Variants in DISP3 observed in about 807,000 individuals in gnomAD.
DISP3 encodes protein dispatched homolog 3.
In DISP3, 101 loss-of-function variants were observed where a neutral mutation model predicts 135.3. The ratio of observed to expected loss-of-function variants is 0.75; its 90% CI spans 0.64 to 0.88. The LOEUF (loss-of-function observed/expected upper bound fraction) is 0.88. DISP3 is among the 40% of genes least tolerant of loss of function. DISP3 has a pLI of 0.00. For missense variants in DISP3, 1,713 were observed against 1,878.6 expected, an observed-to-expected ratio of 0.91 and a Z score of 1.63; for synonymous variants, 856 against 817.0, an observed-to-expected ratio of 1.05 and a Z score of -0.81.
chr1:11,501,487 G>C lies in DISP3; in HGVS notation c.495G>C (p.Ser165=). 1 of 1,606,142 alleles carries C rather than the reference G, an allele frequency of 6.2e-7. No homozygotes were observed. Among genetic ancestry groups the C allele is most frequent in the Non-Finnish European group, 8.5e-7 (1 of 1,176,412 alleles). Residue 165 remains serine (S), a synonymous_variant, in exon 2 of 21, where the codon TCG becomes TCC. Coordinates refer to ENST00000294484, the MANE Select transcript of DISP3 (RefSeq NM_020780.2). The surrounding 1 kb of genome is among the most constrained non-coding windows in gnomAD (Gnocchi z 4.9). ...AGCAGCTGCATCTCGGCAACCGCTC[G>C]CGGCAAGCCTCCCGAGCCCCCCGCG... ...QLQQLHLGNR[S]RQASRAPRVI...
chr1:11,495,251 C>T (rs1280871132), intron 1 of DISP3, among the ~76,000 whole-genome samples: 2 of 152,016 alleles, frequency 1.3e-5, no homozygotes, highest in East Asian at 1.9e-4. Flanking sequence ...ATTAGCCAGG[C>T]GTGGTGGTGC....
At position 11,534,389 on chromosome 1, in the gene DISP3, C is replaced by T. The variant is rs1194235815; in HGVS notation, c.3384C>T (p.Tyr1128=). The T allele has an allele frequency of 1.9e-6, 3 of 1,614,136 alleles. No individual in the cohort carries two copies. The highest frequency in any genetic ancestry group is 1.1e-5 in the South Asian group (1 of 91,096). ...WISMAFESTT[Y]KGKSSFQTYS... is the part of the protein sequence containing the mutation. ...CACATCTCTCCCCACAGACCACGTA[C>T]AAGGGCAAATCCTCCTTCCAGACCT... The change falls in exon 18 of 21, where the codon TAC becomes TAT. Residue 1128 remains tyrosine, a synonymous_variant. Coordinates refer to ENST00000294484, the MANE Select transcript of DISP3 (RefSeq NM_020780.2).
At chr1:11,482,970 A>C (rs1168673293) in intron 1 of DISP3, among the ~76,000 whole-genome samples, 1 of 152,234 alleles carries the variant, frequency 6.6e-6, no homozygotes, top group Non-Finnish European at 1.5e-5. Context: ...GTGTCGGCCC[A>C]AAATAGAAAC....
intron 3 of DISP3, among the ~76,000 whole-genome samples, chr1:11,511,319 A>T (rs1417064074): frequency 2.6e-5 from 4 of 152,214 alleles, no homozygotes; most frequent in Non-Finnish European, 5.9e-5. Flanking sequence ...CTATAAGCCT[A>T]TAAAATCAGA....
At chr1:11,526,232 C>T (rs1310314459) in intron 12 of DISP3, among the ~76,000 whole-genome samples, 2 of 152,216 alleles carry the variant, frequency 1.3e-5, no homozygotes, top group African/African-American at 4.8e-5. Flanking sequence ...TCGTTCAGGT[C>T]TCAACATGCC....
rs769377156 is a variant in DISP3, at chr1:11,499,858, A to C, written c.-3-1132A>C. ...TCATCTAATTGAAATGGAGCACTCC[A>C]AAGAATGTTAATAGGAAAGGCAGCA... is the stretch of plus-strand genomic sequence containing the variant. On this transcript the variant is annotated intron_variant, in intron 1 of 20. Transcript: ENST00000294484. The surrounding 1 kb of genome is among the most constrained non-coding windows in gnomAD (Gnocchi z 5.2). Among the ~76,000 whole-genome samples, 1 of 152,372 alleles carries C rather than the reference A, an allele frequency of 6.6e-6. No homozygotes were observed. Among genetic ancestry groups the C allele is most frequent in the Middle Eastern group, 3.4e-3 (1 of 294 alleles).
At chr1:11,485,639 C>T (rs998563006) in intron 1 of DISP3, among the ~76,000 whole-genome samples, 6 of 152,174 alleles carry the variant, frequency 3.9e-5, no homozygotes, top group Non-Finnish European at 5.9e-5. Context: ...CTCTGTTCTT[C>T]GTTGGGGAGC....
chr1:11,481,761 G>A lies in DISP3; in HGVS notation c.-4+2389G>A, dbSNP rs145276049. The A allele has an allele frequency of 1.4e-3, 207 of 152,196 alleles. 1 individual carries two copies. Among genetic ancestry groups the A allele is most frequent in the African/African-American group, 4.8e-3 (198 of 41,516 alleles). 9.4% of individuals were successfully genotyped at this position (152,196 alleles called of 1,614,324 possible). A position where few individuals can be genotyped will look rare whatever the true frequency, so the allele number is the denominator to read the frequency against. On this transcript the variant is annotated intron_variant, in intron 1 of 20. Coordinates refer to ENST00000294484, the MANE Select transcript of DISP3 (RefSeq NM_020780.2). ...CTAGTGAGTCTCTTGAGTGTGGGTGGGATTGAAAATTGTGATTCTAACCCC... is the reference window on the plus strand; with the variant it reads ...CTAGTGAGTCTCTTGAGTGTGGGTGAGATTGAAAATTGTGATTCTAACCCC...
At chr1:11,504,860 T>G (rs542959336) in intron 3 of DISP3, among the ~76,000 whole-genome samples, 2 of 152,202 alleles carry the variant, frequency 1.3e-5, no homozygotes, top group South Asian at 4.1e-4. Context: ...GGTATTCTGT[T>G]ATAGCAACAT....
Position 11,536,714 on chromosome 1 carries a change from C to T in DISP3, c.*28C>T, listed in dbSNP as rs1179176137. On this transcript the variant is annotated 3_prime_UTR_variant, in exon 21 of 21. Coordinates refer to ENST00000294484, the MANE Select transcript of DISP3 (RefSeq NM_020780.2). This position sits in a 1 kb window ranked among gnomAD's most constrained non-coding sequence, Gnocchi z 4.3. Reference sequence around the variant, plus strand: ...CGGGACGGGCTCTGGACACTTGCACCTTTGGTCCCATGGGTGGGGGACAGG... The same window carrying T: ...CGGGACGGGCTCTGGACACTTGCACTTTTGGTCCCATGGGTGGGGGACAGG... 5 of 1,498,268 alleles carry T rather than the reference C, an allele frequency of 3.3e-6. No homozygotes were observed. The highest frequency in any genetic ancestry group is 4.4e-6 in the Non-Finnish European group (5 of 1,125,420). The allele number at this position is 1,498,268 out of a possible 1,614,324, so 92.8% of individuals were successfully genotyped here. A position where few individuals can be genotyped will look rare whatever the true frequency, so the allele number is the denominator to read the frequency against.
chr1:11,524,555 G>A (rs1380014692), intron 11 of DISP3, among the ~76,000 whole-genome samples: 3 of 151,752 alleles, frequency 2.0e-5, no homozygotes, highest in South Asian at 2.1e-4. Context: ...TGTCACCTCC[G>A]CTATCTAGTC....
intron 20 of DISP3, 81 bp downstream of exon 20, chr1:11,535,725 G>A: frequency 6.6e-7 from 1 of 1,506,286 alleles, no homozygotes; most frequent in Non-Finnish European, 9.0e-7. Context: ...ACCCTCAAGG[G>A]CAGCTGAACA....
At position 11,529,183 on chromosome 1, in the gene DISP3, TGA is replaced by T. The variant is rs1189019008; in HGVS notation, c.2799-371_2799-370del. 6.6e-6 allele frequency among the ~76,000 whole-genome samples: 1 copy of T among 152,196 alleles called. No individual in the cohort carries two copies. The highest frequency in any genetic ancestry group is 1.5e-5 in the Non-Finnish European group (1 of 68,014). On this transcript the variant is annotated intron_variant, in intron 13 of 20. Coordinates refer to ENST00000294484, the MANE Select transcript of DISP3 (RefSeq NM_020780.2). This position sits in a 1 kb window ranked among gnomAD's most constrained non-coding sequence, Gnocchi z 4.7. ...GGGTTGAGGCAAGGCTGGGGGCTTC[TGA>T]GCGAGGACCACTAGGGTTGGCCCTG...
At chr1:11,535,454 G>C in intron 19 of DISP3, 24 bp from the exon 20 acceptor site, 9 of 1,586,698 alleles carry the variant, frequency 5.7e-6, no homozygotes, top group African/African-American at 1.3e-5. Flanking sequence ...GATCCGAGCT[G>C]CCCCCCCTGC....
At position 11,501,738 on chromosome 1, in the gene DISP3, C is replaced by T. The variant is rs374643883; in HGVS notation, c.746C>T (p.Ala249Val). ...HAAVAANQSRARRGASRWDYS... is the reference protein window; with the variant it reads ...HAAVAANQSRVRRGASRWDYS... ...GCAGTCGCGGCCAATCAGAGCCGTG[C>T]CCGCCGAGGCGCCTCGCGCTGGGAC... is the stretch of plus-strand genomic sequence containing the variant. The change falls in exon 2 of 21, where the codon GCC becomes GTC. Residue 249 changes from alanine (A) to valine (V), a missense_variant. Coordinates refer to ENST00000294484, the MANE Select transcript of DISP3 (RefSeq NM_020780.2). The surrounding 1 kb of genome is among the most constrained non-coding windows in gnomAD (Gnocchi z 4.9). The T allele has an allele frequency of 5.2e-5, 82 of 1,591,206 alleles. No homozygotes were observed. The highest frequency in any genetic ancestry group is 1.4e-4 in the East Asian group (6 of 44,094).
intron 12 of DISP3, 128 bp downstream of exon 12, chr1:11,525,440 C>T (rs72636804): frequency 0.024 from 28,933 of 1,193,654 alleles, 449 homozygotes; most frequent in Non-Finnish European, 0.027. Context: ...GACCCCCCTC[C>T]CCTAAACCAG....
At chr1:11,504,536 T>G (rs1193334826) in intron 3 of DISP3, among the ~76,000 whole-genome samples, 6 of 152,218 alleles carry the variant, frequency 3.9e-5, no homozygotes, top group Non-Finnish European at 7.3e-5. Flanking sequence ...GCAGCTGTGT[T>G]GAGAGGTGGG....
chr1:11,481,052 C>T, intron 1 of DISP3, among the ~76,000 whole-genome samples: 1 of 126,918 alleles, frequency 7.9e-6, no homozygotes, highest in Non-Finnish European at 1.6e-5. Flanking sequence ...CTCTCTCTCT[C>T]TCTCTCTCTC....
At position 11,520,963 on chromosome 1, in the gene DISP3, C is replaced by A. The variant is rs1570125736; in HGVS notation, c.2362+115C>A. 1.6e-6 allele frequency: 2 copies of A among 1,236,612 alleles called. No individual in the cohort carries two copies. Among genetic ancestry groups the A allele is most frequent in the African/African-American group, 3.0e-5 (2 of 65,936 alleles). 76.6% of individuals were successfully genotyped at this position (1,236,612 alleles called of 1,614,324 possible). On this transcript the variant is annotated intron_variant, in intron 10 of 20. Coordinates refer to ENST00000294484, the MANE Select transcript of DISP3 (RefSeq NM_020780.2). This position sits in a 1 kb window ranked among gnomAD's most constrained non-coding sequence, Gnocchi z 4.8. ...CATCAATGCCAGACCTCAGGCAAAT[C>A]CCACTCCCCTCTGAGCCCCCATGTT...
Sources: gnomAD v4.1 joint callset for allele counts (sites outside exome capture counted in the v4.1 genomes callset) on GRCh38, gnomAD v4.1.1 for gene constraint, Gnocchi (gnomAD v3.1) non-coding constraint, MANE v1.5 for transcripts, NCBI Gene and HGNC (gene_info 2026-07-23, HGNC 2026-07-21) for gene names.